AHCTF1: variants seen among roughly 807,000 people sequenced by gnomAD.
AHCTF1 encodes the protein protein ELYS.
Under a neutral mutation model 248.4 loss-of-function variants are expected in AHCTF1, and 24 were observed. The ratio of observed to expected loss-of-function variants is 0.10; its 90% CI spans 0.07 to 0.14. The LOEUF is 0.14. Among genes scored for constraint, AHCTF1 ranks in the 10% least tolerant of loss-of-function variants. The probability of loss-of-function intolerance (pLI) is 1.00; values close to 1 mark genes in which losing one functional copy is unlikely to be tolerated. For missense variants in AHCTF1, 2,206 were observed against 2,636.2 expected, an observed-to-expected ratio of 0.84 and a Z score of 3.57; for synonymous variants, 786 against 929.8, an observed-to-expected ratio of 0.85 and a Z score of 2.81.
chr1:246,850,104 A>G lies in AHCTF1; in HGVS notation c.5902T>C (p.Ser1968Pro). Reference sequence around the variant, plus strand: ...CTACCACGTTTTCTAGGTATGGCAGACATATCAAATTCTGCTTGAACAGTC... The same window carrying G: ...CTACCACGTTTTCTAGGTATGGCAGGCATATCAAATTCTGCTTGAACAGTC... ...QLTVQAEFDM[S>P]AIPRKRGRPR... is the part of the protein sequence containing the mutation. The change falls in exon 33 of 36, where the codon TCT (serine) becomes CCT (proline). Residue 1968 changes from serine (S) to proline (P), a missense_variant. By Grantham distance (74) the Ser-to-Pro change is moderately conservative (BLOSUM62 -1). Around this residue, in one of 6 missense-constraint regions of AHCTF1, gnomAD observed 469 missense variants for 470.0 expected, o/e 1.00. Coordinates refer to ENST00000648844, the MANE Select transcript of AHCTF1 (RefSeq NM_001323342.2). The G allele has an allele frequency of 1.2e-6, 2 of 1,613,954 alleles. No homozygotes were observed. Among genetic ancestry groups the G allele is most frequent in the Non-Finnish European group, 1.7e-6 (2 of 1,179,876 alleles).
At chr1:246,886,314 G>A (rs565697875) in intron 20 of AHCTF1, among the ~76,000 whole-genome samples, 14 of 152,232 alleles carry the variant, frequency 9.2e-5, no homozygotes, top group Non-Finnish European at 1.9e-4. Context: ...CTGGGTGACA[G>A]AGCGAGACTC....
intron 24 of AHCTF1, among the ~76,000 whole-genome samples, chr1:246,874,897 GA>G (rs1398627278): frequency 1.3e-5 from 2 of 152,116 alleles, no homozygotes; most frequent in African/African-American, 4.8e-5. Context: ...TTTGTAAACA[GA>G]CAGAGTCTCC....
In AHCTF1 at chr1:246,905,555, C is replaced by T. The variant is rs1665327508; in HGVS notation, c.867G>A (p.Gln289=). 1 of 1,611,590 alleles carries T rather than the reference C, an allele frequency of 6.2e-7. No individual in the cohort carries two copies. The highest frequency in any genetic ancestry group is 8.5e-7 in the Non-Finnish European group (1 of 1,179,576). The change falls in exon 6 of 36, where the codon CAG becomes CAA. Residue 289 remains glutamine (Q), a synonymous_variant. Coordinates refer to ENST00000648844, the MANE Select transcript of AHCTF1 (RefSeq NM_001323342.2). ...ATGAGACCTACCTATCTTGTGTAGA[C>T]TGAACAGCCCACAAGTAACAGCAAT... ...PRNCCYLWAV[Q]STQDSEGDVL... is the part of the protein sequence containing the mutation.
In AHCTF1 at chr1:246,840,175, A is replaced by G. The variant is rs1659755986; in HGVS notation, c.*631T>C. 1.3e-5 allele frequency: 2 copies of G among 152,610 alleles called. No individual in the cohort carries two copies. Among genetic ancestry groups the G allele is most frequent in the Admixed American group, 6.5e-5 (1 of 15,270 alleles). The allele number at this position is 152,610 out of a possible 1,614,324, so 9.5% of individuals were successfully genotyped here. A position where few individuals can be genotyped will look rare whatever the true frequency, so the allele number is the denominator to read the frequency against. On this transcript the variant is annotated 3_prime_UTR_variant, in exon 36 of 36. Coordinates refer to ENST00000648844, the MANE Select transcript of AHCTF1 (RefSeq NM_001323342.2). ...TCTTTGACTAATTAAGACTTTAAAG[A>G]GCCTTTAAGCTTGCCGAATAAGAGA...
At chr1:246,897,265 G>T (rs1316502790) in intron 12 of AHCTF1, among the ~76,000 whole-genome samples, 1 of 152,124 alleles carries the variant, frequency 6.6e-6, no homozygotes, top group East Asian at 1.9e-4. Context: ...AGTGAGCCAA[G>T]ATCACGTCAC....
chr1:246,845,474 C>T (rs932137698), intron 33 of AHCTF1, among the ~76,000 whole-genome samples: 12 of 152,174 alleles, frequency 7.9e-5, no homozygotes, highest in African/African-American at 2.9e-4. Flanking sequence ...TGGTCTCTCT[C>T]TTGGCTTCAA....
intron 33 of AHCTF1, 51 bp from the exon 34 acceptor site, chr1:246,843,979 T>C (rs909800047): frequency 5.6e-5 from 68 of 1,214,552 alleles, no homozygotes; most frequent in Non-Finnish European, 7.2e-5. Flanking sequence ...TGTGTGTATA[T>C]ATATAAACAC....
At position 246,918,309 on chromosome 1, in the gene AHCTF1, T is replaced by A. The variant is rs1666289052; in HGVS notation, c.62A>T (p.Gln21Leu). The A allele has an allele frequency of 6.2e-7, 1 of 1,613,078 alleles. No individual in the cohort carries two copies. The highest frequency in any genetic ancestry group is 8.5e-7 in the Non-Finnish European group (1 of 1,179,892). The change falls in exon 2 of 36, where the codon CAA becomes CTA. Residue 21 changes from glutamine to leucine, a missense_variant. Around this residue, in one of 6 missense-constraint regions of AHCTF1, gnomAD observed 69 missense variants for 85.4 expected, o/e 0.81. Transcript: ENST00000648844. ...TGTTATTTCGTCTTCTCCAAGGGCT[T>A]GAAGAGTCACTTCTGGAAATGGCAG... ...GLLPFPEVTL[Q>L]ALGEDEITLE...
In AHCTF1 at chr1:246,898,151, A is replaced by G. The variant is rs560127584; in HGVS notation, c.1623+57T>C. On this transcript the variant is annotated intron_variant, in intron 12 of 35. Transcript: ENST00000648844. ...TTATCTAATACATTTTTACTGTAAT[A>G]GAAAGCTAATAACGTGATCCAACCA... 2.1e-4 allele frequency: 329 copies of G among 1,599,604 alleles called. 8 individuals are homozygous for G. The South Asian group carries it at 3.6e-3, about 18-fold the overall frequency.
At chr1:246,912,482 C>CAA (rs879277552) in intron 4 of AHCTF1, among the ~76,000 whole-genome samples, 15 of 116,758 alleles carry the variant, frequency 1.3e-4, no homozygotes, top group African/African-American at 4.2e-4. Context: ...ACGCCGTCTC[C>CAA]AAAAAAAAAA....
Position 246,876,364 on chromosome 1 carries a change from C to T in AHCTF1, c.2938-177G>A, listed in dbSNP as rs185492707. 4.7e-4 allele frequency among the ~76,000 whole-genome samples: 72 copies of T among 152,286 alleles called. 1 individual carries two copies. The South Asian group carries it at 5.2e-3, about 11-fold the overall frequency. ...TATCTAATTTTTTTATCAATCCTTA[C>T]CCATCAATAAATTCCAAATCTCGCT... On this transcript the variant is annotated intron_variant, in intron 23 of 35. Coordinates refer to ENST00000648844, the MANE Select transcript of AHCTF1 (RefSeq NM_001323342.2).
rs1660559368 is a variant in AHCTF1 at position 246,849,784 on chromosome 1, A to G, written c.6222T>C (p.His2074=). ...VSEERTDEMT[H]KETNEQEERL... is the part of the protein sequence containing the mutation. Reference sequence around the variant, plus strand: ...TTTCTTCCTGCTCATTTGTTTCTTTATGTGTCATTTCATCTGTGCGTTCTT... The same window carrying G: ...TTTCTTCCTGCTCATTTGTTTCTTTGTGTGTCATTTCATCTGTGCGTTCTT... The change falls in exon 33 of 36, where the codon CAT becomes CAC. Residue 2074 remains histidine (H), a synonymous_variant. Coordinates refer to ENST00000648844, the MANE Select transcript of AHCTF1 (RefSeq NM_001323342.2). 1 of 1,613,864 alleles carries G rather than the reference A, an allele frequency of 6.2e-7. No individual in the cohort carries two copies. Among genetic ancestry groups the G allele is most frequent in the East Asian group, 2.2e-5 (1 of 44,878 alleles).
At position 246,846,423 on chromosome 1, in the gene AHCTF1, A is replaced by C. The variant is rs147100873; in HGVS notation, c.6392-2495T>G. Among the ~76,000 whole-genome samples the C allele has an allele frequency of 4.6e-3, 701 of 152,142 alleles. 3 individuals carry two copies. The highest frequency in any genetic ancestry group is 8.0e-3 in the Non-Finnish European group (546 of 67,998). ...TGCTTTGTTAAAGGAGTGAATACTC[A>C]TAAGAACCCCTGTAAGGTATGCACT... On this transcript the variant is annotated intron_variant, in intron 33 of 35. Coordinates refer to ENST00000648844, the MANE Select transcript of AHCTF1 (RefSeq NM_001323342.2).
chr1:246,843,827 T>C lies in AHCTF1; in HGVS notation c.6493A>G (p.Thr2165Ala), dbSNP rs1386883939. Residue 2165 changes from threonine to alanine, a missense_variant, in exon 34 of 36, where the codon ACA becomes GCA. This residue lies in a region of AHCTF1 where 469 missense variants were observed against 470.0 expected (regional missense o/e 1.00). Transcript: ENST00000648844. ...PPALRSRQKN[T>A]SNKNKLEDEL... ...TCTTCAAGCTTGTTCTTATTGGATG[T>C]GTTTTTTTGTCTGCTCCTTAAAGCA... 2.0e-6 allele frequency: 3 copies of C among 1,482,622 alleles called. No individual in the cohort carries two copies. Among genetic ancestry groups the C allele is most frequent in the African/African-American group, 1.4e-5 (1 of 70,050 alleles). The allele number at this position is 1,482,622 out of a possible 1,614,324, so 91.8% of individuals were successfully genotyped here.
intron 8 of AHCTF1, 23 bp downstream of exon 8, chr1:246,902,502 A>T (rs774147102): frequency 6.3e-7 from 1 of 1,593,802 alleles, no homozygotes; most frequent in Admixed American, 1.7e-5. Flanking sequence ...TTCACATGAC[A>T]TATTTCAAGT....
At chr1:246,923,935 G>A (rs1267465527) in intron 1 of AHCTF1, among the ~76,000 whole-genome samples, 1 of 152,308 alleles carries the variant, frequency 6.6e-6, no homozygotes, top group East Asian at 1.9e-4. Flanking sequence ...CTGAGAAGAG[G>A]GCCATGTTTC....
At chr1:246,875,259 A>C (rs1349024415) in intron 24 of AHCTF1, among the ~76,000 whole-genome samples, 1 of 152,094 alleles carries the variant, frequency 6.6e-6, no homozygotes, top group East Asian at 1.9e-4. Context: ...ACTCCCTTAC[A>C]TACAATGACA....
Position 246,869,044 on chromosome 1 carries a change from C to G in AHCTF1, c.3089-1233G>C, listed in dbSNP as rs551375933. ...TATTTTTAGTAGAGACGGGGTTTCA[C>G]CATGTTGGCCAGGATGGTCTCGATC... On this transcript the variant is annotated intron_variant, in intron 24 of 35. Coordinates refer to ENST00000648844, the MANE Select transcript of AHCTF1 (RefSeq NM_001323342.2). Among the ~76,000 whole-genome samples, 25 of 151,534 alleles carry G rather than the reference C, an allele frequency of 1.6e-4. 1 individual carries two copies. Among genetic ancestry groups the G allele is most frequent in the Non-Finnish European group, 3.5e-4 (24 of 67,936 alleles).
chr1:246,905,445 C>A, intron 6 of AHCTF1, 96 bp downstream of exon 6: 1 of 961,218 alleles, frequency 1.0e-6, no homozygotes. Context: ...TGCAGTGAGC[C>A]GAAATCACGC....
Sources: allele counts gnomAD v4.1 joint callset (sites outside exome capture counted in the v4.1 genomes callset), GRCh38; gene constraint gnomAD v4.1.1; regional missense constraint gnomAD v4.1.1; transcripts MANE v1.5; gene names NCBI Gene and HGNC (gene_info 2026-07-23, HGNC 2026-07-21).